Variants in SNTA1 observed in about 807,000 individuals in gnomAD.
SNTA1 encodes alpha-1-syntrophin.
SNTA1 carries 31 observed loss-of-function variants against 47.1 expected under a neutral mutation model. The ratio of observed to expected loss-of-function variants is 0.66; its 90% CI spans 0.49 to 0.89. The LOEUF is 0.89. Among genes scored for constraint, SNTA1 ranks in the 40% least tolerant of loss-of-function variants. The pLI is 0.00. For synonymous variants in SNTA1, 300 were observed against 313.6 expected (o/e 0.96, Z 0.46); for missense variants, 575 against 693.0 (o/e 0.83, Z 1.91).
chr20:33,439,569 G>A lies in SNTA1; in HGVS notation c.311-543C>T, dbSNP rs7345283. ...TGATCCCTGGATCTTTTGATTAAGT[G>A]CTTTGGGTGTTCACCAGTGTTTGTG... On this transcript the variant is annotated intron_variant, in intron 1 of 7. Coordinates refer to ENST00000217381, the MANE Select transcript of SNTA1 (RefSeq NM_003098.3). Among the ~76,000 whole-genome samples the A allele has an allele frequency of 2.0e-3, 303 of 152,316 alleles. 1 individual carries two copies. The highest frequency in any genetic ancestry group is 7.0e-3 in the African/African-American group (291 of 41,566).
chr20:33,416,178 G>C (rs983123575), intron 3 of SNTA1, among the ~76,000 whole-genome samples: 17 of 152,210 alleles, frequency 1.1e-4, no homozygotes, highest in Admixed American at 6.5e-4. Flanking sequence ...TTTGCCTCAT[G>C]GGGGCAGGCA....
chr20:33,410,032 A>T, intron 6 of SNTA1, 103 bp downstream of exon 6: 1 of 1,261,364 alleles, frequency 7.9e-7, no homozygotes, highest in East Asian at 2.4e-5. Flanking sequence ...TCCAAACCCC[A>T]TTTTCTATCC....
At chr20:33,426,818 T>C (rs112912532) in intron 2 of SNTA1, among the ~76,000 whole-genome samples, 2 of 151,510 alleles carry the variant, frequency 1.3e-5, no homozygotes, top group Non-Finnish European at 2.9e-5. Flanking sequence ...TGTGAGCACT[T>C]TGGGAGTTCA....
intron 6 of SNTA1, among the ~76,000 whole-genome samples, chr20:33,409,430 C>T (rs1186070281): frequency 6.6e-6 from 1 of 152,012 alleles, no homozygotes; most frequent in Non-Finnish European, 1.5e-5. Flanking sequence ...GCTAGGGCAC[C>T]TGCACATCCA....
At chr20:33,425,382 G>T (rs141825963) in intron 2 of SNTA1, among the ~76,000 whole-genome samples, 2 of 152,078 alleles carry the variant, frequency 1.3e-5, no homozygotes, top group Non-Finnish European at 2.9e-5. Context: ...GTCTGGGGCC[G>T]GGCATGGTGG....
At chr20:33,434,346 T>C (rs1204515679) in intron 2 of SNTA1, among the ~76,000 whole-genome samples, 2 of 152,120 alleles carry the variant, frequency 1.3e-5, no homozygotes, top group African/African-American at 4.8e-5. Context: ...CTCCCCTCTT[T>C]GTGCTATCTT....
chr20:33,438,770 C>T, intron 2 of SNTA1, 71 bp downstream of exon 2: 2 of 1,316,720 alleles, frequency 1.5e-6, no homozygotes, highest in Non-Finnish European at 2.2e-6. Flanking sequence ...CCTTCTGAGG[C>T]CTGGGGGAGG....
chr20:33,410,027 A>T lies in SNTA1; in HGVS notation c.1237+108T>A, dbSNP rs147688039. ...GTGATCCACCCACCTTGACCTCCAA[A>T]CCCCATTTTCTATCCCCTCCTGAAG... On this transcript the variant is annotated intron_variant, in intron 6 of 7. Transcript: ENST00000217381. The T allele has an allele frequency of 4.5e-4, 533 of 1,179,642 alleles. 1 individual carries two copies. Among genetic ancestry groups the T allele is most frequent in the Middle Eastern group, 2.5e-3 (12 of 4,780 alleles). The allele number at this position is 1,179,642 out of a possible 1,614,324, so 73.1% of individuals were successfully genotyped here.
chr20:33,410,278 G>T lies in SNTA1; in HGVS notation c.1094C>A (p.Ser365Tyr). 1 of 1,612,194 alleles carries T rather than the reference G, an allele frequency of 6.2e-7. No homozygotes were observed. Among genetic ancestry groups the T allele is most frequent in the Non-Finnish European group, 8.5e-7 (1 of 1,179,670 alleles). ...KGSVPYDAEL[S>Y]FALRTGTRHG... ...ACGCGTGCCCGTGCGCAGGGCAAAA[G>T]AGAGCTCTGCATCGTAGGGCACTGA... The change falls in exon 6 of 8, where the codon TCT becomes TAT. Residue 365 changes from serine to tyrosine, a missense_variant. Ser to Tyr is a moderately radical substitution (Grantham distance 144, BLOSUM62 -2). Coordinates refer to ENST00000217381, the MANE Select transcript of SNTA1 (RefSeq NM_003098.3).
chr20:33,425,887 C>T (rs1399260923), intron 2 of SNTA1, among the ~76,000 whole-genome samples: 1 of 151,926 alleles, frequency 6.6e-6, no homozygotes, highest in Non-Finnish European at 1.5e-5. Context: ...GCCTGGCCAA[C>T]ATGGTGAAAC....
intron 5 of SNTA1, among the ~76,000 whole-genome samples, chr20:33,410,875 C>A (rs927580387): frequency 1.3e-5 from 2 of 152,196 alleles, no homozygotes; most frequent in Admixed American, 1.3e-4. Context: ...TAAAACCATG[C>A]CTGCCCACAG....
Position 33,443,305 on chromosome 20 carries a change from G to A in SNTA1, c.310+6C>T. 1.3e-6 allele frequency: 2 copies of A among 1,508,552 alleles called. No homozygotes were observed. The highest frequency in any genetic ancestry group is 1.4e-5 in the African/African-American group (1 of 69,848). 93.4% of individuals were successfully genotyped at this position (1,508,552 alleles called of 1,614,324 possible). ...CGACCCCGCGCCCTCGGTGTCCCGC[G>A]CCCACCTTTGATGCTGATGCCCAGC... On this transcript the variant is annotated splice_donor_region_variant and intron_variant, in intron 1 of 7. Coordinates refer to ENST00000217381, the MANE Select transcript of SNTA1 (RefSeq NM_003098.3).
chr20:33,419,131 C>G (rs998473461), intron 2 of SNTA1, among the ~76,000 whole-genome samples: 1 of 152,104 alleles, frequency 6.6e-6, no homozygotes, highest in Non-Finnish European at 1.5e-5. Flanking sequence ...ATGACTTTCC[C>G]AAGACCTTGT....
chr20:33,432,694 T>G (rs1990340169), intron 2 of SNTA1, among the ~76,000 whole-genome samples: 1 of 152,034 alleles, frequency 6.6e-6, no homozygotes. Flanking sequence ...GAGACCCTGT[T>G]TCTATTAATT....
At chr20:33,412,507 A>ACTGGGGGCG in intron 4 of SNTA1, 68 bp downstream of exon 4, 1 of 1,601,424 alleles carries the variant, frequency 6.2e-7, no homozygotes, top group Non-Finnish European at 8.5e-7. Flanking sequence ...GGCCAGGGGC[A>ACTGGGGGCG]CTGGGAACAG....
In SNTA1 at chr20:33,438,978, C is replaced by A. The variant is rs1398552010; in HGVS notation, c.359G>T (p.Gly120Val). Reference protein sequence around the residue: ...MPILISKIFKGLAADQTEALF... With the variant: ...MPILISKIFKVLAADQTEALF... ...GGCCTCTGTCTGGTCAGCTGCCAATCCCTTGAAGATCTTGGAAATGAGAAT... is the reference window on the plus strand; with the variant it reads ...GGCCTCTGTCTGGTCAGCTGCCAATACCTTGAAGATCTTGGAAATGAGAAT... The change falls in exon 2 of 8, where the codon GGA becomes GTA. Residue 120 changes from glycine (G) to valine (V), a missense_variant. Transcript: ENST00000217381. The A allele has an allele frequency of 6.2e-7, 1 of 1,614,066 alleles. No homozygotes were observed. Among genetic ancestry groups the A allele is most frequent in the Non-Finnish European group, 8.5e-7 (1 of 1,180,030 alleles).
intron 2 of SNTA1, among the ~76,000 whole-genome samples, chr20:33,419,168 C>T (rs1989959791): frequency 1.3e-5 from 2 of 152,118 alleles, no homozygotes; most frequent in African/African-American, 4.8e-5. Flanking sequence ...AGGATATACC[C>T]TCTGTGGGTG....
At position 33,433,926 on chromosome 20, in the gene SNTA1, T is replaced by A. The variant is rs918226956; in HGVS notation, c.496+4915A>T. 1.3e-5 allele frequency among the ~76,000 whole-genome samples: 2 copies of A among 152,118 alleles called. 1 individual carries two copies. The highest frequency in any genetic ancestry group is 2.9e-5 in the Non-Finnish European group (2 of 68,000). ...GAGCCCCCAACTTAGGCCAGGGAAG[T>A]AAGGCTCTAGCTGACACCTGGAGTT... On this transcript the variant is annotated intron_variant, in intron 2 of 7. Coordinates refer to ENST00000217381, the MANE Select transcript of SNTA1 (RefSeq NM_003098.3).
At chr20:33,417,684 C>CT (rs1989908391) in intron 3 of SNTA1, 35 bp downstream of exon 3, 1 of 1,499,186 alleles carries the variant, frequency 6.7e-7, no homozygotes, top group Non-Finnish European at 9.3e-7. Context: ...GCCAGGGCAT[C>CT]TGTCCATCTG....
Sources: gnomAD v4.1 joint callset for allele counts (sites outside exome capture counted in the v4.1 genomes callset) on GRCh38, gnomAD v4.1.1 for gene constraint, MANE v1.5 for transcripts, NCBI Gene and HGNC (gene_info 2026-07-23, HGNC 2026-07-21) for gene names.